The following PTPRD variants were observed in gnomAD, a reference collection of about 807,000 sequenced individuals.
PTPRD encodes the protein receptor-type tyrosine-protein phosphatase delta.
Under a neutral mutation model 214.5 loss-of-function variants are expected in PTPRD, and 34 were observed. That is an observed-to-expected ratio of 0.16 (90% confidence interval 0.12 to 0.21). The LOEUF (loss-of-function observed/expected upper bound fraction) is 0.21. Among genes scored for constraint, PTPRD ranks in the 10% least tolerant of loss-of-function variants. The pLI, the probability that PTPRD is intolerant of heterozygous loss-of-function variation, is 1.00. For missense variants in PTPRD, 2,545 were observed against 2,398.7 expected, an observed-to-expected ratio of 1.06 and a Z score of -1.27; for synonymous variants, 1,128 against 845.7, an observed-to-expected ratio of 1.33 and a Z score of -5.79.
chr9:9,020,743 C>G (rs1361062547), intron 10 of PTPRD, among the ~76,000 whole-genome samples: 2 of 152,100 alleles, frequency 1.3e-5, no homozygotes, highest in African/African-American at 4.8e-5. Context: ...CTGAGTTACA[C>G]AACTGATTTT....
chr9:10,027,609 T>G (rs1279427955), intron 4 of PTPRD, among the ~76,000 whole-genome samples: 1 of 152,216 alleles, frequency 6.6e-6, no homozygotes, highest in Non-Finnish European at 1.5e-5. Flanking sequence ...TAACAATATA[T>G]GGCACATAAG....
intron 12 of PTPRD, among the ~76,000 whole-genome samples, chr9:8,638,682 A>T (rs2096501988): frequency 6.6e-6 from 1 of 152,120 alleles, no homozygotes; most frequent in Non-Finnish European, 1.5e-5. Context: ...GTGATCCTGG[A>T]ACTGCGGGCC....
chr9:9,613,713 G>A lies in PTPRD; in HGVS notation c.-286-38932C>T, dbSNP rs559693338. Among the ~76,000 whole-genome samples the A allele has an allele frequency of 8.5e-5, 13 of 152,192 alleles. No individual in the cohort carries two copies. The South Asian group carries it at 2.3e-3, about 27-fold the overall frequency. On this transcript the variant is annotated intron_variant, in intron 7 of 45. Transcript: ENST00000381196. The stretch of plus-strand genomic sequence containing the variant: ...TATGGTTCATGGACTAGTAGCATGG[G>A]CACCAAGTGACAGCTTGTTAGAATC...
At chr9:9,611,936 CA>C in intron 7 of PTPRD, among the ~76,000 whole-genome samples, 1 of 152,130 alleles carries the variant, frequency 6.6e-6, no homozygotes. Flanking sequence ...TAAGACTTGA[CA>C]GACACTTTAT....
At chr9:10,200,037 T>C in intron 3 of PTPRD, among the ~76,000 whole-genome samples, 1 of 152,094 alleles carries the variant, frequency 6.6e-6, no homozygotes, top group Admixed American at 6.6e-5. Flanking sequence ...TTTACTGTTT[T>C]TCTTCTATAC....
chr9:9,938,740 T>A (rs1055686996), intron 4 of PTPRD, 130 bp from the exon 5 acceptor site: 1 of 152,140 alleles, frequency 6.6e-6, no homozygotes, highest in Non-Finnish European at 1.5e-5. Flanking sequence ...GAAAGAAGTA[T>A]AAACTCTTCA....
intron 3 of PTPRD, among the ~76,000 whole-genome samples, chr9:10,108,393 T>C (rs1457463505): frequency 6.6e-6 from 1 of 152,068 alleles, no homozygotes; most frequent in East Asian, 1.9e-4. Context: ...GTCACTGTGA[T>C]GTATGATAGA....
chr9:9,904,368 G>C (rs181119341), intron 5 of PTPRD, among the ~76,000 whole-genome samples: 199 of 151,888 alleles, frequency 1.3e-3, no homozygotes, highest in Non-Finnish European at 2.1e-3. Context: ...CTTGTGATTA[G>C]AAGATTGGGG....
intron 2 of PTPRD, among the ~76,000 whole-genome samples, chr9:10,608,138 T>C (rs186404024): frequency 7.0e-4 from 106 of 152,144 alleles, no homozygotes; most frequent in Non-Finnish European, 1.1e-3. Flanking sequence ...ATAATATATA[T>C]TTATTTAAAT....
intron 11 of PTPRD, among the ~76,000 whole-genome samples, chr9:8,885,739 C>T (rs12338219): frequency 0.17 from 25,106 of 151,914 alleles, 2,647 homozygotes; most frequent in Non-Finnish European, 0.23. Flanking sequence ...TCAGGCGAAC[C>T]ACCCACCTTG....
intron 12 of PTPRD, among the ~76,000 whole-genome samples, chr9:8,732,418 A>G (rs1027924853): frequency 6.6e-6 from 1 of 152,242 alleles, no homozygotes; most frequent in African/African-American, 2.4e-5. Flanking sequence ...ACTCTAGCCA[A>G]ACAAAAATAA....
At chr9:9,740,980 C>G (rs898443452) in intron 6 of PTPRD, among the ~76,000 whole-genome samples, 4 of 152,102 alleles carry the variant, frequency 2.6e-5, no homozygotes, top group African/African-American at 9.7e-5. Flanking sequence ...ACATTGGAAA[C>G]TAGAATTTCA....
At chr9:9,769,421 G>A (rs1565125084) in intron 5 of PTPRD, among the ~76,000 whole-genome samples, 1 of 142,746 alleles carries the variant, frequency 7.0e-6, no homozygotes, top group Non-Finnish European at 1.5e-5. Flanking sequence ...CGCCTCCCGG[G>A]TTCACACCAT....
At chr9:8,502,804 T>C (rs915700218) in intron 23 of PTPRD, among the ~76,000 whole-genome samples, 7 of 151,148 alleles carry the variant, frequency 4.6e-5, no homozygotes, top group African/African-American at 1.7e-4. Flanking sequence ...TAGATAAGTG[T>C]TTGATGTGCT....
At chr9:8,964,638 T>C (rs1366780668) in intron 11 of PTPRD, among the ~76,000 whole-genome samples, 2 of 152,034 alleles carry the variant, frequency 1.3e-5, no homozygotes, top group Non-Finnish European at 2.9e-5. Flanking sequence ...CTTCCAGATA[T>C]GATGCTGAAT....
At position 10,355,903 on chromosome 9, in the gene PTPRD, G is replaced by A. The variant is rs772870763; in HGVS notation, c.-599-14886C>T. On this transcript the variant is annotated intron_variant, in intron 2 of 45. Transcript: ENST00000381196. ...GTTAAAATCTAGGTAAATATTGTCA[G>A]TAGAAATTTAATGATTGTGTCTACT... is the stretch of plus-strand genomic sequence containing the variant. 2.9e-4 allele frequency among the ~76,000 whole-genome samples: 44 copies of A among 152,240 alleles called. No homozygotes were observed. The Middle Eastern group carries it at 0.01, about 35-fold the overall frequency.
At chr9:10,460,161 AT>A (rs1252635284) in intron 2 of PTPRD, among the ~76,000 whole-genome samples, 1 of 152,104 alleles carries the variant, frequency 6.6e-6, no homozygotes, top group African/African-American at 2.4e-5. Context: ...AAGCTTAGGA[AT>A]AAACTCAACC....
At position 8,758,621 on chromosome 9, in the gene PTPRD, T is replaced by C. The variant is rs371464079; in HGVS notation, c.-103-24675A>G. Among the ~76,000 whole-genome samples, 41 of 152,318 alleles carry C rather than the reference T, an allele frequency of 2.7e-4. 1 individual carries two copies. In the South Asian group the frequency reaches 5.6e-3, roughly 21 times the overall value. The stretch of plus-strand genomic sequence containing the variant: ...GACTAAGAACTCATACTTTACAGTT[T>C]ACAAAATGTTTTTTTAAAAAGAATT... On this transcript the variant is annotated intron_variant, in intron 11 of 45. Coordinates refer to ENST00000381196, the MANE Select transcript of PTPRD (RefSeq NM_002839.4).
intron 12 of PTPRD, among the ~76,000 whole-genome samples, chr9:8,665,060 A>T (rs1478198347): frequency 6.6e-6 from 1 of 152,204 alleles, no homozygotes; most frequent in African/African-American, 2.4e-5. Flanking sequence ...AACTACAGCA[A>T]TAAAAGTAAA....
Sources: gnomAD v4.1 joint callset for allele counts (sites outside exome capture counted in the v4.1 genomes callset) on GRCh38, gnomAD v4.1.1 for gene constraint, MANE v1.5 for transcripts, NCBI Gene and HGNC (gene_info 2026-07-23, HGNC 2026-07-21) for gene names.